Variants in DGKH observed in about 807,000 individuals in gnomAD.
The protein encoded by DGKH is DAG kinase eta.
Under a neutral mutation model 159.3 loss-of-function variants are expected in DGKH, and 90 were observed. The ratio of observed to expected loss-of-function variants is 0.57; its 90% CI spans 0.48 to 0.67. The LOEUF (loss-of-function observed/expected upper bound fraction) is 0.67. Ranked by LOEUF, DGKH falls within the 30% of genes least tolerant of loss-of-function variation. The pLI is 0.00. For missense variants in DGKH, 1,181 were observed against 1,506.1 expected, an observed-to-expected ratio of 0.78 and a Z score of 3.57; for synonymous variants, 536 against 553.8, an observed-to-expected ratio of 0.97 and a Z score of 0.45.
At chr13:42,150,972 T>A (rs1594100253) in intron 3 of DGKH, among the ~76,000 whole-genome samples, 1 of 152,066 alleles carries the variant, frequency 6.6e-6, no homozygotes, top group East Asian at 1.9e-4. Flanking sequence ...AAGGTGTGAC[T>A]ATGAAGGCAA....
rs1321275769 is a variant in DGKH at position 42,229,464 on chromosome 13, C to T, written c.*276C>T. 1.8e-5 allele frequency: 6 copies of T among 326,358 alleles called. No individual in the cohort carries two copies. Among genetic ancestry groups the T allele is most frequent in the South Asian group, 1.2e-4 (3 of 25,678 alleles). The allele number at this position is 326,358 out of a possible 1,614,324, so 20.2% of individuals were successfully genotyped here. ...GTAATAAGGTAGGAGGAATCTGAGA[C>T]GATTGCATTGTCTAAACAGTGGAAT... is the stretch of plus-strand genomic sequence containing the variant. On this transcript the variant is annotated 3_prime_UTR_variant, in exon 30 of 30. Transcript: ENST00000337343.
At chr13:42,137,924 A>G (rs1774375296) in intron 3 of DGKH, 1 of 168,608 alleles carries the variant, frequency 5.9e-6, no homozygotes, top group Non-Finnish European at 1.2e-5. Context: ...GTGTTACTGC[A>G]GTGCGCAGGA....
intron 1 of DGKH, among the ~76,000 whole-genome samples, chr13:42,075,110 T>C (rs9562372): frequency 0.36 from 54,804 of 152,102 alleles, 10,117 homozygotes; most frequent in East Asian, 0.44. Flanking sequence ...GGTTGGATTG[T>C]TATACAGATT....
rs1958322399 is a variant in DGKH at position 42,232,476 on chromosome 13, C to G, written c.*3288C>G. The G allele has an allele frequency of 6.6e-6, 1 of 152,104 alleles. No individual in the cohort carries two copies. Among genetic ancestry groups the G allele is most frequent in the African/African-American group, 2.4e-5 (1 of 41,404 alleles). 9.4% of individuals were successfully genotyped at this position (152,104 alleles called of 1,614,324 possible). ...TCACCTCCCTTTCTGAGTTTCTTTC[C>G]TACATCCTGGCTCTTCATTTTCCCA... On this transcript the variant is annotated 3_prime_UTR_variant, in exon 30 of 30. Coordinates refer to ENST00000337343, the MANE Select transcript of DGKH (RefSeq NM_178009.5).
chr13:42,214,470 A>G, intron 24 of DGKH, 37 bp from the exon 25 acceptor site: 1 of 1,592,528 alleles, frequency 6.3e-7, no homozygotes, highest in Non-Finnish European at 8.5e-7. Flanking sequence ...AATACTCAAA[A>G]AAGTTTTTTA....
chr13:42,178,333 G>A (rs889360421), intron 13 of DGKH, 113 bp downstream of exon 13: 1 of 786,170 alleles, frequency 1.3e-6, no homozygotes. Flanking sequence ...CTTGGAAGTA[G>A]CTTATAAAAT....
chr13:42,173,979 G>A, intron 11 of DGKH, 81 bp from the exon 12 acceptor site: 1 of 845,742 alleles, frequency 1.2e-6, no homozygotes. Flanking sequence ...GTGTGTGTGT[G>A]TGTGCGCGTT....
At position 42,237,489 on chromosome 13, in the gene DGKH, T is replaced by C. The variant is rs919930146; in HGVS notation, c.*8301T>C. Reference sequence around the variant, plus strand: ...AATTTGGCAAAGATTTGGGAACAAATAGTTTGAACATAGATTTCTTTCACC... The same window carrying C: ...AATTTGGCAAAGATTTGGGAACAAACAGTTTGAACATAGATTTCTTTCACC... On this transcript the variant is annotated 3_prime_UTR_variant, in exon 30 of 30. Transcript: ENST00000337343. 1 of 152,230 alleles carries C rather than the reference T, an allele frequency of 6.6e-6. No individual in the cohort carries two copies. The highest frequency in any genetic ancestry group is 6.5e-5 in the Admixed American group (1 of 15,288). 9.4% of individuals were successfully genotyped at this position (152,230 alleles called of 1,614,324 possible).
chr13:42,043,468 T>C (rs1478807635), intron 1 of DGKH, among the ~76,000 whole-genome samples: 2 of 151,728 alleles, frequency 1.3e-5, no homozygotes, highest in African/African-American at 4.8e-5. Context: ...GCCTCCTGAG[T>C]AGCTAGGACT....
chr13:42,196,656 G>A (rs866344067), intron 17 of DGKH, among the ~76,000 whole-genome samples: 1 of 152,122 alleles, frequency 6.6e-6, no homozygotes, highest in African/African-American at 2.4e-5. Flanking sequence ...ACAGCTAGTG[G>A]GTACACCGTT....
At chr13:42,217,605 C>CA (rs113023143) in intron 26 of DGKH, among the ~76,000 whole-genome samples, 38,390 of 148,224 alleles carry the variant, frequency 0.26, 5,158 homozygotes, top group Non-Finnish European at 0.31. Flanking sequence ...CAAGGGGAAA[C>CA]AAAAAAAAAA....
At chr13:42,127,432 ATCGTG>A in intron 1 of DGKH, 26 bp from the exon 2 acceptor site, 2 of 1,501,486 alleles carry the variant, frequency 1.3e-6, no homozygotes, top group Non-Finnish European at 1.8e-6. Context: ...TTTCATTTTA[ATCGTG>A]TCATTGTGCT....
intron 1 of DGKH, among the ~76,000 whole-genome samples, chr13:42,040,567 G>T (rs1277295345): frequency 6.6e-6 from 1 of 151,802 alleles, no homozygotes; most frequent in Non-Finnish European, 1.5e-5. Flanking sequence ...GAAGGAGCGA[G>T]GGGCGGATTC....
At chr13:42,144,987 C>T (rs182040680) in intron 3 of DGKH, among the ~76,000 whole-genome samples, 2 of 152,250 alleles carry the variant, frequency 1.3e-5, no homozygotes, top group Admixed American at 6.5e-5. Context: ...GTGCTTGTGC[C>T]ATGGCATTGA....
At chr13:42,102,669 G>C (rs1199587689) in intron 1 of DGKH, among the ~76,000 whole-genome samples, 1 of 152,234 alleles carries the variant, frequency 6.6e-6, no homozygotes, top group South Asian at 2.1e-4. Context: ...AGCCCAGATG[G>C]GGGAGAGGAG....
chr13:42,139,089 C>T (rs555191143), intron 3 of DGKH, among the ~76,000 whole-genome samples: 1 of 152,100 alleles, frequency 6.6e-6, no homozygotes, highest in African/African-American at 2.4e-5. Context: ...CAAGACTAAC[C>T]CAGAGAAATA....
rs1958403405 is a variant in DGKH, at chr13:42,235,836, C to T, written c.*6648C>T. ...CAAGTAAGTTGTATCGAATGTTTTT[C>T]TTCCTCTTAAGTGAGATAAATCTCA... On this transcript the variant is annotated 3_prime_UTR_variant, in exon 30 of 30. Transcript: ENST00000337343. The T allele has an allele frequency of 6.6e-6, 1 of 152,090 alleles. No individual in the cohort carries two copies. The highest frequency in any genetic ancestry group is 1.5e-5 in the Non-Finnish European group (1 of 67,986). The allele number at this position is 152,090 out of a possible 1,614,324, so 9.4% of individuals were successfully genotyped here. A position where few individuals can be genotyped will look rare whatever the true frequency, so the allele number is the denominator to read the frequency against.
Position 42,229,822 on chromosome 13 carries a change from T to C in DGKH, c.*634T>C, listed in dbSNP as rs1390597187. ...TAATACTGTAACACTTTAAATAGCT[T>C]TCATGTCAGTTTTAATGTTAATGGG... On this transcript the variant is annotated 3_prime_UTR_variant, in exon 30 of 30. Transcript: ENST00000337343. 1 of 152,356 alleles carries C rather than the reference T, an allele frequency of 6.6e-6. No individual in the cohort carries two copies. The highest frequency in any genetic ancestry group is 1.5e-5 in the Non-Finnish European group (1 of 68,040). The allele number at this position is 152,356 out of a possible 1,614,324, so 9.4% of individuals were successfully genotyped here.
intron 3 of DGKH, among the ~76,000 whole-genome samples, chr13:42,149,219 G>A (rs372464470): frequency 9.2e-5 from 14 of 152,132 alleles, no homozygotes; most frequent in Non-Finnish European, 1.5e-4. Flanking sequence ...ATGAGGCATC[G>A]CTCCTGACCT....
Sources: allele counts gnomAD v4.1 joint callset (sites outside exome capture counted in the v4.1 genomes callset), GRCh38; gene constraint gnomAD v4.1.1; transcripts MANE v1.5; gene names NCBI Gene and HGNC (gene_info 2026-07-23, HGNC 2026-07-21).